The following SOCS2 variants were observed in gnomAD, a reference collection of about 807,000 sequenced individuals.
The protein encoded by SOCS2 is CIS-2.
Under a neutral mutation model 18.6 loss-of-function variants are expected in SOCS2, and 10 were observed. The observed-to-expected ratio is 0.54, with a 90% CI of 0.33 to 0.91. The LOEUF (loss-of-function observed/expected upper bound fraction) is 0.91, where lower values mean the gene tolerates loss of function less well. Ranked by LOEUF, SOCS2 falls within the 40% of genes least tolerant of loss-of-function variation. The pLI, the probability that SOCS2 is intolerant of heterozygous loss-of-function variation, is 0.02. For synonymous variants in SOCS2, 104 were observed against 104.0 expected (o/e 1.00, Z 0.00); for missense variants, 231 against 247.2 (o/e 0.93, Z 0.44).
At chr12:93,598,587 A>ATC in the SOCS2 span, among the ~76,000 whole-genome samples, 2 of 152,340 alleles carry the variant, frequency 1.3e-5, no homozygotes, top group East Asian at 3.8e-4. Context: ...ATATTGATTT[A>ATC]TCTGTCTGGA....
chr12:93,617,693 T>TA, the SOCS2 span, among the ~76,000 whole-genome samples: 376 of 145,304 alleles, frequency 2.6e-3, 1 homozygote, highest in Middle Eastern at 7.1e-3. Context: ...CATATAAATG[T>TA]AAAAAAAAAA....
At chr12:93,617,066 T>G in the SOCS2 span, among the ~76,000 whole-genome samples, 1 of 152,208 alleles carries the variant, frequency 6.6e-6, no homozygotes, top group Non-Finnish European at 1.5e-5. Flanking sequence ...CTGGGCCGTG[T>G]CCATTGATGG....
the SOCS2 span, among the ~76,000 whole-genome samples, chr12:93,625,260 C>T: frequency 6.8e-6 from 1 of 147,244 alleles, no homozygotes. Context: ...CACAATCTCT[C>T]TCTGTCATTA....
At chr12:93,573,212 G>A in intron 1 of SOCS2, 176 bp downstream of exon 1, 3 of 821,994 alleles carry the variant, frequency 3.6e-6, no homozygotes, top group Non-Finnish European at 5.6e-6. Context: ...CGTAAGGAAA[G>A]TGGTTCTCCA....
chr12:93,573,071 G>T, intron 1 of SOCS2, 35 bp downstream of exon 1: 4 of 1,548,202 alleles, frequency 2.6e-6, no homozygotes, highest in Non-Finnish European at 3.5e-6. Context: ...CGTGCGGGAG[G>T]GAGCGCCTCC....
At chr12:93,571,790 G>C, upstream of SOCS2, 1 of 396,136 alleles carries the variant, frequency 2.5e-6, no homozygotes, top group Non-Finnish European at 5.0e-6. Context: ...GGGGAAACAA[G>C]GGCAGACGCC....
chr12:93,602,209 C>A, the SOCS2 span, among the ~76,000 whole-genome samples: 1 of 152,182 alleles, frequency 6.6e-6, no homozygotes, highest in Admixed American at 6.5e-5. Flanking sequence ...CCTTCTGCCT[C>A]AGCTTATCCT....
chr12:93,586,135 A>G (rs1954583737), downstream of SOCS2, among the ~76,000 whole-genome samples: 1 of 152,160 alleles, frequency 6.6e-6, no homozygotes, highest in Non-Finnish European at 1.5e-5. Context: ...TGACCATATT[A>G]AAGAGTTAGG....
upstream of SOCS2, chr12:93,572,648 G>C (rs762853911): frequency 1.2e-5 from 8 of 694,110 alleles, no homozygotes; most frequent in Non-Finnish European, 1.8e-5. This position sits in a 1 kb window ranked among gnomAD's most constrained non-coding sequence, Gnocchi z 5.0. Flanking sequence ...CAGGGGTCCA[G>C]TTTGGACTGA....
the SOCS2 span, among the ~76,000 whole-genome samples, chr12:93,617,021 CATT>C: frequency 2.6e-5 from 4 of 152,180 alleles, no homozygotes; most frequent in African/African-American, 7.2e-5. Flanking sequence ...AATCAACAAA[CATT>C]ATGCAAACCC....
downstream of SOCS2, among the ~76,000 whole-genome samples, chr12:93,586,196 A>G (rs1954584211): frequency 6.6e-6 from 1 of 152,238 alleles, no homozygotes; most frequent in Non-Finnish European, 1.5e-5. Flanking sequence ...TCTGATCTTC[A>G]CAAACATCTC....
chr12:93,622,567 C>G, the SOCS2 span, among the ~76,000 whole-genome samples: 1 of 152,112 alleles, frequency 6.6e-6, no homozygotes, highest in Non-Finnish European at 1.5e-5. Flanking sequence ...ATAAAGGAAA[C>G]CTTTAAAACA....
At chr12:93,607,470 A>G in the SOCS2 span, among the ~76,000 whole-genome samples, 2 of 151,956 alleles carry the variant, frequency 1.3e-5, no homozygotes, top group Non-Finnish European at 2.9e-5. Context: ...CATGCCAGAT[A>G]AAAAGGATAC....
the SOCS2 span, among the ~76,000 whole-genome samples, chr12:93,614,538 TC>T: frequency 1.2e-4 from 10 of 86,818 alleles, no homozygotes; most frequent in African/African-American, 1.9e-4. Flanking sequence ...CTTCCTTCCT[TC>T]CTTCTTTCTT....
chr12:93,617,094 A>T, the SOCS2 span, among the ~76,000 whole-genome samples: 1 of 152,212 alleles, frequency 6.6e-6, no homozygotes, highest in Non-Finnish European at 1.5e-5. Context: ...GCAAACAATT[A>T]TATCACTGTG....
the SOCS2 span, among the ~76,000 whole-genome samples, chr12:93,621,645 T>TA: frequency 2.6e-5 from 4 of 151,906 alleles, no homozygotes; most frequent in South Asian, 2.1e-4. Context: ...CCCAGCTAAT[T>TA]AAAAAAAAAT....
intron 1 of SOCS2, among the ~76,000 whole-genome samples, chr12:93,582,047 A>G (rs1377966196): frequency 6.6e-6 from 1 of 152,232 alleles, no homozygotes; most frequent in East Asian, 1.9e-4. Context: ...TACATGAATA[A>G]CTTATTGTAA....
At chr12:93,599,171 C>T in the SOCS2 span, among the ~76,000 whole-genome samples, 9 of 122,294 alleles carry the variant, frequency 7.4e-5, no homozygotes, top group African/African-American at 1.3e-4. Flanking sequence ...TGCTGTTTGT[C>T]TTTTTTTTTT....
chr12:93,619,750 T>C, the SOCS2 span, among the ~76,000 whole-genome samples: 6 of 152,146 alleles, frequency 3.9e-5, no homozygotes, highest in African/African-American at 1.4e-4. Context: ...ACTAAACATA[T>C]ATTGCATGTT....
Sources: allele counts gnomAD v4.1 joint callset (sites outside exome capture counted in the v4.1 genomes callset), GRCh38; gene constraint gnomAD v4.1.1; non-coding constraint Gnocchi (gnomAD v3.1); transcripts MANE v1.5; gene names NCBI Gene and HGNC (gene_info 2026-07-23, HGNC 2026-07-21).